PATL1: variants seen among roughly 807,000 people sequenced by gnomAD.
PATL1 encodes PAT1 homolog 1, processing body mRNA decay factor.
A neutral mutation model predicts 100.6 loss-of-function variants in PATL1; 32 were observed. The ratio of observed to expected loss-of-function variants is 0.32; its 90% CI spans 0.24 to 0.43. The LOEUF is 0.43. PATL1 is among the 20% of genes least tolerant of loss of function. The pLI, the probability that PATL1 is intolerant of heterozygous loss-of-function variation, is 1.00. For missense variants in PATL1, 747 were observed against 949.9 expected (o/e 0.79, Z 2.81); for synonymous variants, 332 against 330.0 (o/e 1.01, Z -0.07).
intron 13 of PATL1, among the ~76,000 whole-genome samples, chr11:59,650,472 G>A (rs1194202437): frequency 6.6e-6 from 1 of 152,196 alleles, no homozygotes; most frequent in African/African-American, 2.4e-5. Context: ...GGCTTAGAAA[G>A]GTGACTTGCC....
At position 59,650,786 on chromosome 11, in the gene PATL1, T is replaced by C; in HGVS notation, c.1552A>G (p.Lys518Glu). The C allele has an allele frequency of 2.6e-6, 4 of 1,557,910 alleles. No homozygotes were observed. In the South Asian group the frequency reaches 4.8e-5, roughly 19 times the overall value. Residue 518 changes from lysine to glutamate, a missense_variant, in exon 13 of 19, where the codon AAG becomes GAG. Physicochemically the swap from Lys to Glu is moderately conservative, Grantham distance 56. Coordinates refer to ENST00000300146, the MANE Select transcript of PATL1 (RefSeq NM_152716.3). ...DETKEKQVRD[K>E]RRKTLVIIEK... ...ATTATAACAAGGGTTTTTCTCCTCT[T>C]GTCTCGAACTTGTTTTTCTTTTGTC...
At chr11:59,657,251 T>A in intron 5 of PATL1, 1 of 647,368 alleles carries the variant, frequency 1.5e-6, no homozygotes, top group Non-Finnish European at 1.9e-6. Flanking sequence ...TGACAATGTT[T>A]TGGGCAGCCA....
At position 59,655,462 on chromosome 11, in the gene PATL1, C is replaced by T. The variant is rs1160562087; in HGVS notation, c.1031+61G>A. 61 of 1,348,054 alleles carry T rather than the reference C, an allele frequency of 4.5e-5. 1 individual carries two copies. Among genetic ancestry groups the T allele is most frequent in the South Asian group, 5.9e-5 (4 of 68,342 alleles). 83.5% of individuals were successfully genotyped at this position (1,348,054 alleles called of 1,614,324 possible). The stretch of plus-strand genomic sequence containing the variant: ...AAATATCAAGAGACTTATAAAACTA[C>T]ACATCCACAATCAAGAGACTTGGCT... On this transcript the variant is annotated intron_variant, in intron 8 of 18. Transcript: ENST00000300146.
Position 59,638,398 on chromosome 11 carries a change from TC to T in PATL1, c.2304del (p.Ile769TyrfsTer28). 1 of 1,612,524 alleles carries T rather than the reference TC, an allele frequency of 6.2e-7. No homozygotes were observed. The highest frequency in any genetic ancestry group is 8.5e-7 in the Non-Finnish European group (1 of 1,178,990). On this transcript the variant is annotated frameshift_variant, in exon 19 of 19. Coordinates refer to ENST00000300146, the MANE Select transcript of PATL1 (RefSeq NM_152716.3). LOFTEE classifies it high-confidence loss of function. ...LLETKLQLVQ[G>X]IR ...ACACATTTGGAGATCTTTTATCGTA[TC>T]CCCTGAACTAGCCTAGGAGTACAAA...
chr11:59,665,079 T>A (rs1861669333), intron 2 of PATL1, among the ~76,000 whole-genome samples: 1 of 152,212 alleles, frequency 6.6e-6, no homozygotes. Flanking sequence ...TTCCTTTCCA[T>A]CATGAGTCTA....
intron 6 of PATL1, among the ~76,000 whole-genome samples, 164 bp from the exon 7 acceptor site, chr11:59,656,209 A>C (rs1216327878): frequency 6.6e-6 from 1 of 152,200 alleles, no homozygotes; most frequent in Admixed American, 6.5e-5. Flanking sequence ...GAAATTATAA[A>C]AACACCATGA....
At chr11:59,668,749 G>A (rs960390062) in intron 1 of PATL1, 132 bp downstream of exon 1, 5 of 490,870 alleles carry the variant, frequency 1.0e-5, no homozygotes, top group Admixed American at 3.3e-5. Context: ...GACCAGTCGC[G>A]TCCAGCTAAG....
In PATL1 at chr11:59,640,588, C is replaced by T. The variant is rs1316061813; in HGVS notation, c.2050-1205G>A. Among the ~76,000 whole-genome samples, 4 of 151,790 alleles carry T rather than the reference C, an allele frequency of 2.6e-5. 1 individual carries two copies. Among genetic ancestry groups the T allele is most frequent in the African/African-American group, 4.8e-5 (2 of 41,310 alleles). ...ACAAAAAATTAGCCAGGCGTGGTGG[C>T]GGGTGCCTGTAGTCCCAGCTACTCG... is the stretch of plus-strand genomic sequence containing the variant. On this transcript the variant is annotated intron_variant, in intron 16 of 18. Coordinates refer to ENST00000300146, the MANE Select transcript of PATL1 (RefSeq NM_152716.3).
At chr11:59,657,257 A>G (rs1861549403) in intron 5 of PATL1, 2 of 605,674 alleles carry the variant, frequency 3.3e-6, no homozygotes, top group Non-Finnish European at 4.1e-6. Context: ...TGTTTTGGGC[A>G]GCCAGCAAAA....
chr11:59,666,797 G>T, intron 2 of PATL1, 56 bp downstream of exon 2: 1 of 1,506,548 alleles, frequency 6.6e-7, no homozygotes, highest in Non-Finnish European at 8.9e-7. Context: ...CTAAAAGACA[G>T]CACTTGAAAA....
chr11:59,650,626 C>T, intron 13 of PATL1, 128 bp downstream of exon 13: 1 of 637,646 alleles, frequency 1.6e-6, no homozygotes, highest in East Asian at 2.9e-5. Flanking sequence ...TAGTCACTTA[C>T]CAGCAATATA....
intron 2 of PATL1, among the ~76,000 whole-genome samples, chr11:59,664,856 CCA>C (rs1861666851): frequency 1.3e-5 from 2 of 152,238 alleles, no homozygotes; most frequent in South Asian, 2.1e-4. Flanking sequence ...TGGGCTTGAA[CCA>C]CCACAAATAG....
In PATL1 at chr11:59,651,555, T is replaced by C. The variant is rs1428238771; in HGVS notation, c.1513A>G (p.Ser505Gly). ...GTGTTGACACTTACATCATCCTCAC[T>C]CCGAGATGTCACAACAGCATCAATC... is the stretch of plus-strand genomic sequence containing the variant. ...KMIDAVVTSR[S>G]EDDETKEKQV... Residue 505 changes from serine (S) to glycine (G), a missense_variant, in exon 12 of 19, where the codon AGT becomes GGT. Transcript: ENST00000300146. The C allele has an allele frequency of 6.2e-7, 1 of 1,608,640 alleles. No individual in the cohort carries two copies. Among genetic ancestry groups the C allele is most frequent in the Admixed American group, 1.7e-5 (1 of 59,832 alleles).
intron 5 of PATL1, chr11:59,657,254 G>T (rs1013559599): frequency 2.7e-5 from 17 of 620,818 alleles, no homozygotes; most frequent in African/African-American, 1.2e-4. Context: ...CAATGTTTTG[G>T]GCAGCCAGCA....
At chr11:59,664,737 T>G (rs1260749274) in intron 2 of PATL1, among the ~76,000 whole-genome samples, 1 of 151,966 alleles carries the variant, frequency 6.6e-6, no homozygotes, top group Non-Finnish European at 1.5e-5. Flanking sequence ...TGGCTATTTT[T>G]CAAAAAAAAT....
At chr11:59,662,891 G>A (rs1416436413) in intron 2 of PATL1, among the ~76,000 whole-genome samples, 4 of 151,872 alleles carry the variant, frequency 2.6e-5, no homozygotes, top group African/African-American at 7.3e-5. Context: ...TGGTTAAGTC[G>A]CCATATTCTG....
intron 16 of PATL1, among the ~76,000 whole-genome samples, chr11:59,640,324 C>T (rs1203815732): frequency 2.2e-5 from 3 of 134,612 alleles, no homozygotes; most frequent in African/African-American, 8.6e-5. Context: ...CTGGGCAACA[C>T]GAGTGAAACT....
At chr11:59,658,369 G>A (rs1287260843) in intron 4 of PATL1, among the ~76,000 whole-genome samples, 4 of 151,362 alleles carry the variant, frequency 2.6e-5, no homozygotes, top group Non-Finnish European at 4.4e-5. Flanking sequence ...CCAGGCTGGA[G>A]TGCAGTGGCG....
chr11:59,665,779 C>G lies in PATL1; in HGVS notation c.127+1074G>C, dbSNP rs573552584. Among the ~76,000 whole-genome samples, 9 of 151,726 alleles carry G rather than the reference C, an allele frequency of 5.9e-5. No individual in the cohort carries two copies. The South Asian group carries it at 1.9e-3, about 32-fold the overall frequency. ...CCAGTCTAGGTGACAGAGCAAGACT[C>G]TGTCTCAAAACAAATATATGTGTAT... On this transcript the variant is annotated intron_variant, in intron 2 of 18. Transcript: ENST00000300146.
Sources: allele counts gnomAD v4.1 joint callset (sites outside exome capture counted in the v4.1 genomes callset), GRCh38; gene constraint gnomAD v4.1.1; transcripts MANE v1.5; gene names NCBI Gene and HGNC (gene_info 2026-07-23, HGNC 2026-07-21).